HIVEP3: variants seen among roughly 807,000 people sequenced by gnomAD.
HIVEP3 encodes the protein transcription factor HIVEP3.
A neutral mutation model predicts 152.8 loss-of-function variants in HIVEP3; 49 were observed. The observed-to-expected ratio is 0.32, with a 90% CI of 0.26 to 0.41. The LOEUF (loss-of-function observed/expected upper bound fraction) is 0.41, where lower values mean the gene tolerates loss of function less well. HIVEP3 is among the 10% of genes least tolerant of loss of function. The probability of loss-of-function intolerance (pLI) is 1.00; values close to 1 mark genes in which losing one functional copy is unlikely to be tolerated. For synonymous variants in HIVEP3, 1,269 were observed against 1,289.0 expected, an observed-to-expected ratio of 0.98 and a Z score of 0.33; for missense variants, 2,790 against 3,103.3, an observed-to-expected ratio of 0.90 and a Z score of 2.40.
chr1:41,933,648 G>T (rs1243079762), intron 1 of HIVEP3, among the ~76,000 whole-genome samples: 1 of 152,024 alleles, frequency 6.6e-6, no homozygotes, highest in Non-Finnish European at 1.5e-5. Context: ...GGTATGTTTA[G>T]ACCATTCACA....
At chr1:41,853,912 G>C (rs1643677470) in intron 1 of HIVEP3, among the ~76,000 whole-genome samples, 1 of 152,150 alleles carries the variant, frequency 6.6e-6, no homozygotes, top group Non-Finnish European at 1.5e-5. Flanking sequence ...AAATGATGAT[G>C]AATGTGTGAG....
chr1:41,766,106 G>A (rs1473276629), intron 1 of HIVEP3, among the ~76,000 whole-genome samples: 1 of 152,226 alleles, frequency 6.6e-6, no homozygotes, highest in East Asian at 1.9e-4. Context: ...CCCTGGGCCT[G>A]AGCCATGGTA....
At chr1:41,678,615 T>A (rs974014707) in intron 2 of HIVEP3, among the ~76,000 whole-genome samples, 2 of 151,922 alleles carry the variant, frequency 1.3e-5, no homozygotes, top group African/African-American at 4.9e-5. Flanking sequence ...GCAGTACCAC[T>A]GTCTCCCACC....
intron 1 of HIVEP3, among the ~76,000 whole-genome samples, chr1:41,716,269 G>A (rs1317241345): frequency 6.6e-6 from 1 of 152,206 alleles, no homozygotes; most frequent in Non-Finnish European, 1.5e-5. Flanking sequence ...TGGGGATGCT[G>A]GGCAAAAGTC....
intron 1 of HIVEP3, among the ~76,000 whole-genome samples, chr1:41,778,587 G>A (rs1648854536): frequency 6.6e-6 from 1 of 152,194 alleles, no homozygotes; most frequent in African/African-American, 2.4e-5. Context: ...ATCCCGTTCT[G>A]ACATAGTTTT....
intron 1 of HIVEP3, among the ~76,000 whole-genome samples, chr1:41,991,972 T>C (rs1176041522): frequency 2.0e-5 from 3 of 148,114 alleles, no homozygotes. Context: ...AAACTCTCAA[T>C]AAATTACGTA....
At chr1:41,699,456 CT>C (rs1646327859) in intron 2 of HIVEP3, among the ~76,000 whole-genome samples, 1 of 152,222 alleles carries the variant, frequency 6.6e-6, no homozygotes, top group Admixed American at 6.5e-5. Context: ...AGAAATCACT[CT>C]AGTACAACCT....
At chr1:41,595,024 T>TA (rs1264345304) in intron 3 of HIVEP3, among the ~76,000 whole-genome samples, 1 of 152,232 alleles carries the variant, frequency 6.6e-6, no homozygotes, top group African/African-American at 2.4e-5. Flanking sequence ...TGGTGTCTGA[T>TA]AAAAGCACAG....
intron 1 of HIVEP3, among the ~76,000 whole-genome samples, chr1:41,924,216 G>A (rs1020629560): frequency 4.6e-5 from 7 of 152,162 alleles, no homozygotes; most frequent in Non-Finnish European, 1.5e-5. Context: ...AATGCCAGAG[G>A]CCACCAGGAG....
At chr1:41,551,765 CTTT>C (rs1643896269) in intron 5 of HIVEP3, among the ~76,000 whole-genome samples, 1 of 152,110 alleles carries the variant, frequency 6.6e-6, no homozygotes, top group African/African-American at 2.4e-5. Context: ...TGATTCTTCT[CTTT>C]TTTCTTCTTT....
At chr1:41,586,440 C>T (rs1436055284) in intron 3 of HIVEP3, among the ~76,000 whole-genome samples, 1 of 152,174 alleles carries the variant, frequency 6.6e-6, no homozygotes, top group African/African-American at 2.4e-5. Flanking sequence ...CCTCCCATGG[C>T]CAGAGTTTGT....
chr1:41,781,591 C>T (rs1198548301), intron 1 of HIVEP3, among the ~76,000 whole-genome samples: 2 of 152,184 alleles, frequency 1.3e-5, no homozygotes, highest in Non-Finnish European at 1.5e-5. Flanking sequence ...GACCATCTTC[C>T]ATATGGCCAC....
intron 5 of HIVEP3, among the ~76,000 whole-genome samples, chr1:41,570,723 G>C (rs1316270621): frequency 1.3e-5 from 2 of 152,134 alleles, no homozygotes; most frequent in African/African-American, 4.8e-5. Flanking sequence ...CGATGGCTCA[G>C]GAAAGAATAG....
At chr1:41,996,669 T>C (rs1373303730) in intron 1 of HIVEP3, among the ~76,000 whole-genome samples, 2 of 152,218 alleles carry the variant, frequency 1.3e-5, no homozygotes, top group Non-Finnish European at 2.9e-5. Flanking sequence ...GACTTAGCCC[T>C]GTGTATTAAT....
intron 3 of HIVEP3, among the ~76,000 whole-genome samples, chr1:41,601,090 T>C (rs1331445217): frequency 1.3e-5 from 2 of 152,222 alleles, no homozygotes; most frequent in African/African-American, 4.8e-5. Context: ...TTTCGGGTTC[T>C]CTGTTCTGTT....
chr1:41,806,554 C>T (rs1008942665), intron 1 of HIVEP3, among the ~76,000 whole-genome samples: 2 of 152,230 alleles, frequency 1.3e-5, no homozygotes, highest in African/African-American at 4.8e-5. Flanking sequence ...TGCATTTCAC[C>T]TGCCTCTGAA....
chr1:41,592,753 G>T (rs1424607434), intron 3 of HIVEP3, among the ~76,000 whole-genome samples: 1 of 152,242 alleles, frequency 6.6e-6, no homozygotes, highest in East Asian at 1.9e-4. Flanking sequence ...CTTTTCTGCA[G>T]ATGCTTGGCT....
At chr1:41,607,782 C>T (rs1322638093) in intron 3 of HIVEP3, among the ~76,000 whole-genome samples, 3 of 152,222 alleles carry the variant, frequency 2.0e-5, no homozygotes, top group Non-Finnish European at 4.4e-5. Context: ...TTAGACGAGA[C>T]AGTTTATTTC....
intron 2 of HIVEP3, among the ~76,000 whole-genome samples, chr1:41,653,953 CAAAAAAAAAAAAAAAA>C (rs55707109): frequency 4.5e-4 from 21 of 46,216 alleles, no homozygotes; most frequent in African/African-American, 1.6e-3. Flanking sequence ...TTTTCTACTG[CAAAAAAAAAAAAAAAA>C]AAAAAAAAAA....
Sources: gnomAD v4.1 joint callset for allele counts (sites outside exome capture counted in the v4.1 genomes callset) on GRCh38, gnomAD v4.1.1 for gene constraint, MANE v1.5 for transcripts, NCBI Gene and HGNC (gene_info 2026-07-23, HGNC 2026-07-21) for gene names.